PTPRS: variants seen among roughly 807,000 people sequenced by gnomAD.
PTPRS encodes the protein receptor-type tyrosine-protein phosphatase S.
In PTPRS, 63 loss-of-function variants were observed where a neutral mutation model predicts 215.3. The observed-to-expected ratio is 0.29, with a 90% CI of 0.24 to 0.36. The LOEUF is 0.36. PTPRS is among the 10% of genes least tolerant of loss of function. The pLI, the probability that PTPRS is intolerant of heterozygous loss-of-function variation, is 1.00. For synonymous variants in PTPRS, 1,404 were observed against 1,191.4 expected (o/e 1.18, Z -3.68); for missense variants, 2,258 against 2,825.8 (o/e 0.80, Z 4.56).
At chr19:5,228,850 C>T (rs1173897765) in intron 16 of PTPRS, among the ~76,000 whole-genome samples, 2 of 152,242 alleles carry the variant, frequency 1.3e-5, no homozygotes, top group African/African-American at 2.4e-5. Flanking sequence ...CACCTCTCAT[C>T]ACCCGGGGGC....
chr19:5,315,683 C>A (rs979409107), intron 1 of PTPRS, among the ~76,000 whole-genome samples: 1 of 148,670 alleles, frequency 6.7e-6, no homozygotes, highest in African/African-American at 2.5e-5. Context: ...GCAGAGATGG[C>A]GTCTTGCTAT....
Position 5,211,743 on chromosome 19 carries a change from G to A in PTPRS, c.5081C>T (p.Thr1694Met), listed in dbSNP as rs375049270. 15 of 1,613,612 alleles carry A rather than the reference G, an allele frequency of 9.3e-6. No individual in the cohort carries two copies. Among genetic ancestry groups the A allele is most frequent in the South Asian group, 3.3e-5 (3 of 91,084 alleles). The change falls in exon 33 of 38, where the codon ACG (threonine) becomes ATG (methionine). Residue 1694 changes from threonine (T) to methionine (M), a missense_variant. Transcript: ENST00000262963. ...FKRLANSKAH[T>M]SRFISANLPC... is the part of the protein sequence containing the mutation. Reference sequence around the variant, plus strand: ...CAGATTGGCACTGATGAAGCGTGACGTGTGGGCCTTGGAGTTAGCCAGCCG... The same window carrying A: ...CAGATTGGCACTGATGAAGCGTGACATGTGGGCCTTGGAGTTAGCCAGCCG...
rs1383575470 is a variant in PTPRS at position 5,244,375 on chromosome 19, C to T, written c.1096G>A (p.Glu366Lys). Reference protein sequence around the residue: ...NPDPVSYYVIEYKSKSQDGPY... With the variant: ...NPDPVSYYVIKYKSKSQDGPY... ...CCGTCTTGGCTCTTGGATTTATATT[C>T]GATGACGTAATAGGACACAGGATCT... Residue 366 changes from glutamate to lysine, a missense_variant, in exon 11 of 38, where the codon GAA becomes AAA. Coordinates refer to ENST00000262963, the MANE Select transcript of PTPRS (RefSeq NM_002850.4). The surrounding 1 kb of genome is among the most constrained non-coding windows in gnomAD (Gnocchi z 7.2). The T allele has an allele frequency of 4.3e-6, 7 of 1,614,154 alleles. No individual in the cohort carries two copies. The highest frequency in any genetic ancestry group is 5.1e-6 in the Non-Finnish European group (6 of 1,180,024).
chr19:5,328,335 C>G (rs1369653970), intron 1 of PTPRS, among the ~76,000 whole-genome samples: 1 of 152,042 alleles, frequency 6.6e-6, no homozygotes. Context: ...GTCTCAAACT[C>G]CTGACCTCAG....
chr19:5,206,422 G>A lies in PTPRS; in HGVS notation c.*352C>T, dbSNP rs1245803757. 5 of 275,516 alleles carry A rather than the reference G, an allele frequency of 1.8e-5. No homozygotes were observed. Among genetic ancestry groups the A allele is most frequent in the Admixed American group, 1.0e-4 (2 of 19,146 alleles). 17.1% of individuals were successfully genotyped at this position (275,516 alleles called of 1,614,324 possible). On this transcript the variant is annotated 3_prime_UTR_variant, in exon 38 of 38. Transcript: ENST00000262963. ...CCCCCTACCACCGCTGGGGGAGGAC[G>A]AGGGGTCCGTCTATGGTCTGTGCCC... is the stretch of plus-strand genomic sequence containing the variant.
chr19:5,298,279 G>A (rs547715100), intron 1 of PTPRS, among the ~76,000 whole-genome samples: 3 of 152,088 alleles, frequency 2.0e-5, no homozygotes, highest in African/African-American at 4.8e-5. Context: ...GTGTCCCTTC[G>A]TCTCCTGAAG....
At chr19:5,302,839 C>CTT in intron 1 of PTPRS, among the ~76,000 whole-genome samples, 1 of 147,992 alleles carries the variant, frequency 6.8e-6, no homozygotes, top group Admixed American at 6.9e-5. Context: ...GGGCGGATCA[C>CTT]GAGGTCAGGA....
chr19:5,307,600 C>T (rs1368022704), intron 1 of PTPRS, among the ~76,000 whole-genome samples: 2 of 152,166 alleles, frequency 1.3e-5, no homozygotes, highest in East Asian at 3.9e-4. Flanking sequence ...CAGCCGCCTA[C>T]TAAATGTTCA....
chr19:5,324,496 G>A (rs2050118633), intron 1 of PTPRS, among the ~76,000 whole-genome samples: 1 of 152,184 alleles, frequency 6.6e-6, no homozygotes, highest in African/African-American at 2.4e-5. Flanking sequence ...CCTGTCCCAG[G>A]CTGGCGGCAG....
intron 7 of PTPRS, among the ~76,000 whole-genome samples, chr19:5,259,176 A>C (rs921649227): frequency 3.9e-5 from 6 of 152,186 alleles, no homozygotes; most frequent in African/African-American, 1.4e-4. Context: ...GAAGAGGGCA[A>C]TTTTTCAAGC....
chr19:5,340,037 G>A (rs1369760302), intron 1 of PTPRS, among the ~76,000 whole-genome samples: 3 of 151,846 alleles, frequency 2.0e-5, no homozygotes, highest in African/African-American at 4.8e-5. Context: ...GACAGGGCCC[G>A]GAGTGTTCCA....
intron 1 of PTPRS, among the ~76,000 whole-genome samples, chr19:5,331,380 G>A (rs1488968465): frequency 6.6e-6 from 1 of 151,892 alleles, no homozygotes; most frequent in East Asian, 1.9e-4. Flanking sequence ...CAATCCTCCC[G>A]CTTTAACCTC....
chr19:5,241,377 G>A (rs2145898636), intron 11 of PTPRS, among the ~76,000 whole-genome samples: 1 of 152,016 alleles, frequency 6.6e-6, no homozygotes, highest in Non-Finnish European at 1.5e-5. Context: ...TCCAACTTCT[G>A]GGCTCAGGTG....
At chr19:5,303,550 G>A (rs1212745989) in intron 1 of PTPRS, among the ~76,000 whole-genome samples, 1 of 152,174 alleles carries the variant, frequency 6.6e-6, no homozygotes, top group African/African-American at 2.4e-5. Context: ...AGGCCCCGAG[G>A]TGGGAACGAA....
chr19:5,292,744 G>C (rs2048928452), intron 1 of PTPRS: 1 of 152,262 alleles, frequency 6.6e-6, no homozygotes. Context: ...CCCCCTCTGC[G>C]GTCCTGTTGC....
At position 5,229,488 on chromosome 19, in the gene PTPRS, C is replaced by T; in HGVS notation, c.2349+3G>A. The T allele has an allele frequency of 7.0e-7, 1 of 1,427,694 alleles. No individual in the cohort carries two copies. Among genetic ancestry groups the T allele is most frequent in the Non-Finnish European group, 9.1e-7 (1 of 1,094,706 alleles). 88.4% of individuals were successfully genotyped at this position (1,427,694 alleles called of 1,614,324 possible). A position where few individuals can be genotyped will look rare whatever the true frequency, so the allele number is the denominator to read the frequency against. On this transcript the variant is annotated splice_donor_region_variant and intron_variant, in intron 15 of 37. Transcript: ENST00000262963. ...CCCGGCCCCGCCCCGGCCCCCCGCC[C>T]ACCTGGGCATCGGCCAGCATGACGT...
intron 12 of PTPRS, among the ~76,000 whole-genome samples, chr19:5,239,663 GAA>G (rs1158705613): frequency 1.3e-5 from 2 of 151,456 alleles, no homozygotes; most frequent in Non-Finnish European, 1.5e-5. Flanking sequence ...CAGGGACAGA[GAA>G]AGAGAGGAGA....
chr19:5,276,196 A>C (rs1302666223), intron 2 of PTPRS, among the ~76,000 whole-genome samples: 1 of 151,932 alleles, frequency 6.6e-6, no homozygotes, highest in Non-Finnish European at 1.5e-5. Context: ...CAGTCTCTGC[A>C]ATAAAGCCTG....
At chr19:5,325,511 G>A (rs964320957) in intron 1 of PTPRS, among the ~76,000 whole-genome samples, 4 of 152,202 alleles carry the variant, frequency 2.6e-5, no homozygotes, top group Non-Finnish European at 5.9e-5. Flanking sequence ...AGACGTCATC[G>A]GGGCCGGCCC....
Sources: allele counts gnomAD v4.1 joint callset (sites outside exome capture counted in the v4.1 genomes callset), GRCh38; gene constraint gnomAD v4.1.1; non-coding constraint Gnocchi (gnomAD v3.1); transcripts MANE v1.5; gene names NCBI Gene and HGNC (gene_info 2026-07-23, HGNC 2026-07-21).